TACC2: variants seen among roughly 807,000 people sequenced by gnomAD.
The protein encoded by TACC2 is transforming acidic coiled-coil containing protein 2.
Under a neutral mutation model 227.3 loss-of-function variants are expected in TACC2, and 137 were observed. The observed-to-expected ratio is 0.60, with a 90% CI of 0.52 to 0.69. TACC2 has a LOEUF of 0.69. Ranked by LOEUF, TACC2 falls within the 30% of genes least tolerant of loss-of-function variation. TACC2 has a pLI of 0.00. For missense variants in TACC2, 3,470 were observed against 3,694.4 expected, an observed-to-expected ratio of 0.94 and a Z score of 1.57; for synonymous variants, 1,523 against 1,487.5, an observed-to-expected ratio of 1.02 and a Z score of -0.55.
rs916484179 is a variant in TACC2, at chr10:122,180,809, G to A, written c.5835-14231G>A. Reference sequence around the variant, plus strand: ...GGATGGAGTGCAATGGCGCAGTCTCGGCTCACTGCAAACCTCTGCCTCCCA... The same window carrying A: ...GGATGGAGTGCAATGGCGCAGTCTCAGCTCACTGCAAACCTCTGCCTCCCA... On this transcript the variant is annotated intron_variant, in intron 7 of 22. Coordinates refer to ENST00000369005, the MANE Select transcript of TACC2 (RefSeq NM_206862.4). The surrounding 1 kb of genome is among the most constrained non-coding windows in gnomAD (Gnocchi z 4.5). 2.6e-5 allele frequency among the ~76,000 whole-genome samples: 4 copies of A among 151,824 alleles called. No homozygotes were observed. Among genetic ancestry groups the A allele is most frequent in the African/African-American group, 9.7e-5 (4 of 41,310 alleles).
chr10:122,182,586 AC>A (rs1182072045), intron 7 of TACC2, among the ~76,000 whole-genome samples: 1 of 152,220 alleles, frequency 6.6e-6, no homozygotes, highest in African/African-American at 2.4e-5. Context: ...TGTCCTGTGC[AC>A]TAAGAGCCTT....
At chr10:122,065,455 A>G (rs1473866532) in intron 3 of TACC2, among the ~76,000 whole-genome samples, 1 of 152,040 alleles carries the variant, frequency 6.6e-6, no homozygotes, top group Non-Finnish European at 1.5e-5. Context: ...TCTTTCTGTT[A>G]TTGATTTCTA....
chr10:122,032,642 C>T (rs891833358), intron 2 of TACC2, among the ~76,000 whole-genome samples: 3 of 152,096 alleles, frequency 2.0e-5, no homozygotes, highest in Non-Finnish European at 4.4e-5. Context: ...AGCATGGGTG[C>T]ATGCCTCATG....
intron 7 of TACC2, among the ~76,000 whole-genome samples, chr10:122,146,323 TATA>T (rs2091370081): frequency 6.6e-6 from 1 of 152,188 alleles, no homozygotes; most frequent in South Asian, 2.1e-4. Flanking sequence ...ACATCTTTAT[TATA>T]ATAACTAAAG....
chr10:122,124,143 TA>T (rs2086377346), intron 5 of TACC2, among the ~76,000 whole-genome samples: 1 of 152,160 alleles, frequency 6.6e-6, no homozygotes, highest in Non-Finnish European at 1.5e-5. Flanking sequence ...AAATCAGTAA[TA>T]ATACCGGAGG....
intron 7 of TACC2, among the ~76,000 whole-genome samples, chr10:122,177,528 C>T (rs2093776528): frequency 6.6e-6 from 1 of 152,036 alleles, no homozygotes; most frequent in Admixed American, 6.6e-5. Context: ...ATGATTGCAC[C>T]TGTGAATAGC....
chr10:122,182,707 C>T (rs1037134813), intron 7 of TACC2, among the ~76,000 whole-genome samples: 1 of 152,082 alleles, frequency 6.6e-6, no homozygotes, highest in Non-Finnish European at 1.5e-5. Flanking sequence ...CTGGAATAAG[C>T]GGGATTCTCA....
chr10:122,145,286 A>G (rs1485559725), intron 7 of TACC2, among the ~76,000 whole-genome samples: 5 of 152,228 alleles, frequency 3.3e-5, no homozygotes, highest in African/African-American at 1.2e-4. Context: ...CACTGGTGAA[A>G]GGATCAACAA....
At chr10:122,040,402 T>C (rs2074107450) in intron 2 of TACC2, among the ~76,000 whole-genome samples, 1 of 152,148 alleles carries the variant, frequency 6.6e-6, no homozygotes, top group Admixed American at 6.5e-5. Context: ...CTGACTTGTT[T>C]AGAAAGCTCT....
intron 2 of TACC2, among the ~76,000 whole-genome samples, chr10:122,036,687 T>G (rs767704275): frequency 1.3e-4 from 20 of 151,982 alleles, no homozygotes; most frequent in Non-Finnish European, 2.5e-4. Flanking sequence ...TTTTGGTAGA[T>G]GGACAGTTGA....
chr10:122,171,191 C>T (rs2093455903), intron 7 of TACC2, among the ~76,000 whole-genome samples: 1 of 152,220 alleles, frequency 6.6e-6, no homozygotes, highest in Admixed American at 6.5e-5. Context: ...GGTTTTGTAC[C>T]TGTCTGCCTC....
intron 18 of TACC2, among the ~76,000 whole-genome samples, chr10:122,239,702 G>A (rs79870128): frequency 6.6e-6 from 1 of 152,126 alleles, no homozygotes; most frequent in Non-Finnish European, 1.5e-5. Context: ...CTTATTCGTG[G>A]TTTGAGAAGT....
chr10:122,212,035 A>G (rs1355102074), intron 9 of TACC2, among the ~76,000 whole-genome samples: 1 of 152,258 alleles, frequency 6.6e-6, no homozygotes, highest in African/African-American at 2.4e-5. Flanking sequence ...GGAAGGGGAA[A>G]GGTCCTTAGA....
In TACC2 at chr10:122,122,093, C is replaced by T. The variant is rs561151052; in HGVS notation, c.5574-10516C>T. 1.6e-4 allele frequency among the ~76,000 whole-genome samples: 24 copies of T among 152,324 alleles called. No individual in the cohort carries two copies. In the South Asian group the frequency reaches 4.8e-3, roughly 30 times the overall value. On this transcript the variant is annotated intron_variant, in intron 5 of 22. Coordinates refer to ENST00000369005, the MANE Select transcript of TACC2 (RefSeq NM_206862.4). ...CTTGTTAGCCAGGCGCGGTGGCTCA[C>T]GCCTGTAATCCCAGCACTCTGGGAG...
chr10:122,233,386 A>G (rs1158539204), intron 16 of TACC2, among the ~76,000 whole-genome samples: 1 of 152,206 alleles, frequency 6.6e-6, no homozygotes, highest in Non-Finnish European at 1.5e-5. Flanking sequence ...AGACGGAAGG[A>G]TGTGTCTGGG....
intron 16 of TACC2, among the ~76,000 whole-genome samples, chr10:122,233,379 C>T (rs370831793): frequency 2.6e-5 from 4 of 152,254 alleles, no homozygotes; most frequent in East Asian, 1.9e-4. Context: ...AATATAAAGA[C>T]GGAAGGATGT....
intron 10 of TACC2, 57 bp downstream of exon 10, chr10:122,215,508 C>T (rs533368924): frequency 8.4e-6 from 12 of 1,428,006 alleles, no homozygotes; most frequent in East Asian, 6.8e-5. Context: ...AGGTTTTCTT[C>T]GCTTGTTGAC....
chr10:122,216,663 G>T lies in TACC2; in HGVS notation c.7381G>T (p.Val2461Leu). ...AGCTGCTACACCAGAAACACCACCA[G>T]TGATCTCTGCGGTGGTCCACGCCAC... Reference protein sequence around the residue: ...TPAATPETPPVISAVVHATDE... With the variant: ...TPAATPETPPLISAVVHATDE... The change falls in exon 11 of 23, where the codon GTG becomes TTG. Residue 2461 changes from valine (V) to leucine (L), a missense_variant. Val to Leu is a conservative substitution (Grantham distance 32, BLOSUM62 1). Coordinates refer to ENST00000369005, the MANE Select transcript of TACC2 (RefSeq NM_206862.4). 1 of 1,614,080 alleles carries T rather than the reference G, an allele frequency of 6.2e-7. No individual in the cohort carries two copies. Among genetic ancestry groups the T allele is most frequent in the East Asian group, 2.2e-5 (1 of 44,848 alleles).
At chr10:122,234,312 C>T (rs7895075) in intron 16 of TACC2, among the ~76,000 whole-genome samples, 13,802 of 152,250 alleles carry the variant, frequency 0.091, 1,788 homozygotes, top group African/African-American at 0.29. Context: ...TCTCACAGGT[C>T]GCAGGACTTC....
Sources: gnomAD v4.1 joint callset for allele counts (sites outside exome capture counted in the v4.1 genomes callset) on GRCh38, gnomAD v4.1.1 for gene constraint, Gnocchi (gnomAD v3.1) non-coding constraint, MANE v1.5 for transcripts, NCBI Gene and HGNC (gene_info 2026-07-23, HGNC 2026-07-21) for gene names.